The following PRKAG2 variants were observed in gnomAD, a reference collection of about 807,000 sequenced individuals.
The protein encoded by PRKAG2 is protein kinase AMP-activated non-catalytic subunit gamma 2.
PRKAG2 carries 26 observed loss-of-function variants against 69.6 expected under a neutral mutation model. The observed-to-expected ratio is 0.37, with a 90% confidence interval of 0.27 to 0.52. The LOEUF (loss-of-function observed/expected upper bound fraction) is 0.52, where lower values mean the gene tolerates loss of function less well. Among genes scored for constraint, PRKAG2 ranks in the 20% least tolerant of loss-of-function variants. PRKAG2 has a pLI of 0.90. For missense variants in PRKAG2, 557 were observed against 740.0 expected, an observed-to-expected ratio of 0.75 and a Z score of 2.87; for synonymous variants, 293 against 285.0, an observed-to-expected ratio of 1.03 and a Z score of -0.28.
chr7:151,763,547 C>T (rs1326812147), intron 3 of PRKAG2, among the ~76,000 whole-genome samples: 1 of 152,364 alleles, frequency 6.6e-6, no homozygotes, highest in East Asian at 1.9e-4. Flanking sequence ...GGCTCCTCAG[C>T]CACTGCCCCA....
chr7:151,692,381 A>G (rs1465072905), intron 3 of PRKAG2, among the ~76,000 whole-genome samples: 1 of 152,202 alleles, frequency 6.6e-6, no homozygotes, highest in Non-Finnish European at 1.5e-5. Flanking sequence ...CCATTTATAC[A>G]ACATTCTGGA....
At chr7:151,648,082 T>A (rs962539318) in intron 4 of PRKAG2, among the ~76,000 whole-genome samples, 3 of 151,980 alleles carry the variant, frequency 2.0e-5, no homozygotes, top group African/African-American at 7.3e-5. Flanking sequence ...ACCTTTGGTG[T>A]GTAACTAGAG....
intron 1 of PRKAG2, among the ~76,000 whole-genome samples, chr7:151,851,754 C>A (rs1441029780): frequency 6.6e-6 from 1 of 152,212 alleles, no homozygotes; most frequent in Non-Finnish European, 1.5e-5. Flanking sequence ...GGAAGCCTCC[C>A]TCCTCATGGG....
intron 4 of PRKAG2, among the ~76,000 whole-genome samples, chr7:151,658,293 C>G (rs1229882878): frequency 6.6e-6 from 1 of 151,414 alleles, no homozygotes; most frequent in Non-Finnish European, 1.5e-5. Flanking sequence ...TGAGAACAGC[C>G]TGACCAACAT....
At chr7:151,604,645 TACACACAC>T (rs1369447344) in intron 5 of PRKAG2, among the ~76,000 whole-genome samples, 1 of 151,474 alleles carries the variant, frequency 6.6e-6, no homozygotes, top group Non-Finnish European at 1.5e-5. Flanking sequence ...CACACACACA[TACACACAC>T]ACATACACAC....
chr7:151,869,500 G>A (rs1177978298), intron 1 of PRKAG2, among the ~76,000 whole-genome samples: 4 of 152,210 alleles, frequency 2.6e-5, no homozygotes, highest in East Asian at 1.9e-4. Context: ...ATAAGAGGAC[G>A]AGGCAGCTCC....
At chr7:151,697,008 G>A (rs186648866) in intron 3 of PRKAG2, among the ~76,000 whole-genome samples, 2 of 152,280 alleles carry the variant, frequency 1.3e-5, no homozygotes, top group South Asian at 2.1e-4. Flanking sequence ...CCCCCAGAGC[G>A]CAGGCCCAGG....
intron 3 of PRKAG2, among the ~76,000 whole-genome samples, chr7:151,697,555 G>C (rs1836895179): frequency 6.6e-6 from 1 of 152,146 alleles, no homozygotes; most frequent in Non-Finnish European, 1.5e-5. Context: ...TGGAGAGCTG[G>C]GTACACAATG....
intron 2 of PRKAG2, among the ~76,000 whole-genome samples, chr7:151,783,541 T>A (rs981190853): frequency 5.3e-5 from 8 of 151,992 alleles, no homozygotes; most frequent in Admixed American, 5.2e-4. Context: ...AGCATTTAGA[T>A]TCTCTGTTTA....
chr7:151,690,214 G>A (rs1035560966), intron 3 of PRKAG2, among the ~76,000 whole-genome samples: 6 of 152,208 alleles, frequency 3.9e-5, no homozygotes, highest in Non-Finnish European at 7.3e-5. Context: ...CTCATCCCGA[G>A]GGAGGTGGGA....
intron 4 of PRKAG2, among the ~76,000 whole-genome samples, chr7:151,655,764 G>A (rs369308599): frequency 7.2e-5 from 11 of 152,134 alleles, no homozygotes; most frequent in African/African-American, 1.9e-4. Flanking sequence ...AAATGGGATC[G>A]TAGCAGCACC....
chr7:151,569,359 T>G (rs779578038), intron 10 of PRKAG2, among the ~76,000 whole-genome samples: 2 of 151,898 alleles, frequency 1.3e-5, no homozygotes, highest in Non-Finnish European at 2.9e-5. Context: ...TTTTAAAGAG[T>G]GTATTTAGTG....
At chr7:151,808,781 G>A (rs1354848918) in intron 1 of PRKAG2, among the ~76,000 whole-genome samples, 3 of 152,090 alleles carry the variant, frequency 2.0e-5, no homozygotes, top group Admixed American at 1.3e-4. Context: ...ATGGCTGCGC[G>A]GCCTGAGGGC....
intron 4 of PRKAG2, among the ~76,000 whole-genome samples, chr7:151,639,027 C>A (rs73479892): frequency 0.016 from 2,361 of 152,274 alleles, 59 homozygotes; most frequent in African/African-American, 0.054. Context: ...GCACTCTGCT[C>A]CCGTTCCCAC....
rs1807801903 is a variant in PRKAG2 at position 151,572,449 on chromosome 7, G to T, written c.1051+215C>A. ...TAGGATAAGGCCTTGCCTGCTGAAG[G>T]TGTCCTATACATGTCTATAAACAGA... On this transcript the variant is annotated intron_variant, in intron 9 of 15. Coordinates refer to ENST00000287878, the MANE Select transcript of PRKAG2 (RefSeq NM_016203.4). The T allele has an allele frequency of 1.8e-5, 7 of 395,164 alleles. No homozygotes were observed. The East Asian group carries it at 3.0e-4, about 17-fold the overall frequency. The allele number at this position is 395,164 out of a possible 1,614,324, so 24.5% of individuals were successfully genotyped here.
chr7:151,675,185 T>A, intron 4 of PRKAG2: 1 of 518,662 alleles, frequency 1.9e-6, no homozygotes. Context: ...CCTCCCAAAG[T>A]GCTGGGACTA....
In PRKAG2 at chr7:151,788,744, C is replaced by T. The variant is rs1011612280; in HGVS notation, c.115-2203G>A. On this transcript the variant is annotated intron_variant, in intron 1 of 15. Coordinates refer to ENST00000287878, the MANE Select transcript of PRKAG2 (RefSeq NM_016203.4). The surrounding 1 kb of genome is among the most constrained non-coding windows in gnomAD (Gnocchi z 4.6). Reference sequence around the variant, plus strand: ...AAATTCAGTGTCATGAAGCTTTTCCCGTATGTTTTCTTCTAAGAGTTTTAT... The same window carrying T: ...AAATTCAGTGTCATGAAGCTTTTCCTGTATGTTTTCTTCTAAGAGTTTTAT... Among the ~76,000 whole-genome samples, 6 of 152,122 alleles carry T rather than the reference C, an allele frequency of 3.9e-5. No individual in the cohort carries two copies. The highest frequency in any genetic ancestry group is 1.4e-4 in the African/African-American group (6 of 41,400).
rs1292950905 is a variant in PRKAG2 at position 151,675,271 on chromosome 7, G to GTAC, written c.684+148_684+149insGTA. 2.5e-4 allele frequency: 212 copies of GTAC among 832,914 alleles called. 4 individuals are homozygous for GTAC. The Middle Eastern group carries it at 9.1e-3, about 36-fold the overall frequency. 51.6% of individuals were successfully genotyped at this position (832,914 alleles called of 1,614,324 possible). Reference sequence around the variant, plus strand: ...TTGTGCCCTCACCATTTCTCCCTCAGCCTGTGATTTATGGTACAATATCCT... The same window carrying GTAC: ...TTGTGCCCTCACCATTTCTCCCTCAGTACCCTGTGATTTATGGTACAATATCCT... On this transcript the variant is annotated intron_variant, in intron 4 of 15. Transcript: ENST00000287878.
chr7:151,795,859 A>G (rs1295096968), intron 1 of PRKAG2, among the ~76,000 whole-genome samples: 19 of 128,540 alleles, frequency 1.5e-4, no homozygotes, highest in Middle Eastern at 3.7e-3. Flanking sequence ...ATATATATAT[A>G]TATATATATA....
Sources: gnomAD v4.1 joint callset for allele counts (sites outside exome capture counted in the v4.1 genomes callset) on GRCh38, gnomAD v4.1.1 for gene constraint, Gnocchi (gnomAD v3.1) non-coding constraint, MANE v1.5 for transcripts, NCBI Gene and HGNC (gene_info 2026-07-23, HGNC 2026-07-21) for gene names.